The following PDE8B variants were observed in gnomAD, a reference collection of about 807,000 sequenced individuals.
The protein encoded by PDE8B is high affinity cAMP-specific and IBMX-insensitive 3',5'-cyclic phosphodiesterase 8B.
A neutral mutation model predicts 101.3 loss-of-function variants in PDE8B; 26 were observed. The observed-to-expected ratio is 0.26, with a 90% CI of 0.19 to 0.36. The LOEUF (loss-of-function observed/expected upper bound fraction) is 0.36, where lower values mean the gene tolerates loss of function less well. PDE8B is among the 10% of genes least tolerant of loss of function. The pLI is 1.00. For synonymous variants in PDE8B, 424 were observed against 429.3 expected (o/e 0.99, Z 0.15); for missense variants, 810 against 1,163.1 (o/e 0.70, Z 4.42).
intron 1 of PDE8B, among the ~76,000 whole-genome samples, chr5:77,222,412 A>G (rs1334296815): frequency 5.3e-5 from 8 of 152,154 alleles, no homozygotes; most frequent in Non-Finnish European, 1.0e-4. Context: ...TCACGAGGTC[A>G]GGAGTTCGAG....
At chr5:77,359,511 G>T (rs949003633) in intron 10 of PDE8B, among the ~76,000 whole-genome samples, 2 of 152,154 alleles carry the variant, frequency 1.3e-5, no homozygotes, top group Admixed American at 6.5e-5. Context: ...TGACCCGTCT[G>T]TTCTCTCATT....
the PDE8B span, among the ~76,000 whole-genome samples, chr5:77,097,310 G>C: frequency 6.6e-6 from 1 of 152,158 alleles, no homozygotes; most frequent in South Asian, 2.1e-4. Flanking sequence ...CAGAACCTCA[G>C]AATTACTTTT....
At chr5:77,145,422 G>A in the PDE8B span, 1 of 152,140 alleles carries the variant, frequency 6.6e-6, no homozygotes, top group African/African-American at 2.4e-5. Context: ...TGAGCTTGTG[G>A]CATAGAGATA....
the PDE8B span, among the ~76,000 whole-genome samples, chr5:77,100,585 G>A: frequency 6.6e-6 from 1 of 152,142 alleles, no homozygotes. Flanking sequence ...GAGGGGATAT[G>A]GAAAAGACCT....
chr5:77,213,521 C>A (rs1043790083), intron 1 of PDE8B, among the ~76,000 whole-genome samples: 7 of 152,142 alleles, frequency 4.6e-5, no homozygotes, highest in Non-Finnish European at 1.0e-4. Context: ...CCTTTTGTTG[C>A]TGAGATAATT....
chr5:77,293,359 G>GA (rs566804234), intron 1 of PDE8B, among the ~76,000 whole-genome samples: 319 of 151,494 alleles, frequency 2.1e-3, no homozygotes, highest in African/African-American at 7.4e-3. Flanking sequence ...ATGGATTTGA[G>GA]AATCATTTCA....
intron 10 of PDE8B, among the ~76,000 whole-genome samples, chr5:77,382,742 T>A (rs982103135): frequency 7.2e-5 from 11 of 152,238 alleles, no homozygotes; most frequent in African/African-American, 2.7e-4. Flanking sequence ...TCCAGCTTCA[T>A]GTTCCTGCAG....
chr5:77,294,276 G>A (rs1580846523), intron 1 of PDE8B, among the ~76,000 whole-genome samples: 3 of 152,338 alleles, frequency 2.0e-5, no homozygotes, highest in Middle Eastern at 3.4e-3. Context: ...GAAGTCTGCA[G>A]GAGGAAGCAG....
intron 1 of PDE8B, among the ~76,000 whole-genome samples, chr5:77,270,130 T>A (rs1368996255): frequency 1.3e-5 from 2 of 152,226 alleles, no homozygotes; most frequent in East Asian, 3.8e-4. Flanking sequence ...CAATTCTTAG[T>A]ATCCTCTTCA....
intron 2 of PDE8B, among the ~76,000 whole-genome samples, chr5:77,321,996 C>T (rs558970890): frequency 6.6e-6 from 1 of 152,278 alleles, no homozygotes; most frequent in African/African-American, 2.4e-5. Context: ...AGTCAGGAGG[C>T]ACAGGGAGCG....
intron 1 of PDE8B, among the ~76,000 whole-genome samples, chr5:77,226,841 A>G (rs1008849503): frequency 7.2e-5 from 11 of 151,988 alleles, no homozygotes; most frequent in Non-Finnish European, 1.0e-4. Flanking sequence ...GAGGTGTGAG[A>G]TCTCTGAGAC....
intron 17 of PDE8B, among the ~76,000 whole-genome samples, chr5:77,413,557 G>A (rs1250003071): frequency 6.6e-6 from 1 of 152,040 alleles, no homozygotes; most frequent in Non-Finnish European, 1.5e-5. Flanking sequence ...ATGCATGGCA[G>A]ATCATGAACC....
chr5:77,269,396 T>G (rs1329180836), intron 1 of PDE8B, among the ~76,000 whole-genome samples: 1 of 152,206 alleles, frequency 6.6e-6, no homozygotes, highest in Non-Finnish European at 1.5e-5. Flanking sequence ...GATGGTTAGT[T>G]TGCAAATATT....
intron 2 of PDE8B, among the ~76,000 whole-genome samples, chr5:77,323,172 C>G (rs1458884731): frequency 6.6e-6 from 1 of 152,212 alleles, no homozygotes; most frequent in African/African-American, 2.4e-5. Flanking sequence ...CCTGATTTTT[C>G]TCATTCAGGC....
At chr5:77,329,798 C>T (rs1401554318) in intron 4 of PDE8B, among the ~76,000 whole-genome samples, 1 of 152,152 alleles carries the variant, frequency 6.6e-6, no homozygotes, top group Non-Finnish European at 1.5e-5. Flanking sequence ...GGACCTAGGA[C>T]CTATTGGATT....
chr5:77,413,139 T>G lies in PDE8B; in HGVS notation c.1741T>G (p.Phe581Val). Residue 581 changes from phenylalanine to valine, a missense_variant, in exon 17 of 22, where the codon TTC becomes GTC. By Grantham distance (50) the Phe-to-Val change is conservative. This residue lies in a region of PDE8B where 325 missense variants were observed against 560.9 expected (regional missense o/e 0.58). Coordinates refer to ENST00000264917, the MANE Select transcript of PDE8B (RefSeq NM_003719.5). ...ATTGGTTTATCTGGGCTTAAAGGTC[T>G]TCTCTCGGTTTGGAGTATGTGAATT... The part of the protein sequence containing the change: ...RPLVYLGLKV[F>V]SRFGVCEFLN... 2 of 1,614,140 alleles carry G rather than the reference T, an allele frequency of 1.2e-6. No individual in the cohort carries two copies. Among genetic ancestry groups the G allele is most frequent in the Non-Finnish European group, 1.7e-6 (2 of 1,179,982 alleles).
At chr5:77,138,471 G>T in the PDE8B span, among the ~76,000 whole-genome samples, 3 of 152,236 alleles carry the variant, frequency 2.0e-5, no homozygotes, top group African/African-American at 7.2e-5. Flanking sequence ...CCAGAGCTGA[G>T]TATTTCCAGA....
At chr5:77,090,867 A>G in the PDE8B span, among the ~76,000 whole-genome samples, 1 of 152,198 alleles carries the variant, frequency 6.6e-6, no homozygotes, top group Non-Finnish European at 1.5e-5. Flanking sequence ...TAATGCTGCA[A>G]TTAACATGGG....
intron 2 of PDE8B, among the ~76,000 whole-genome samples, chr5:77,318,138 A>G (rs1774246921): frequency 6.6e-6 from 1 of 151,872 alleles, no homozygotes; most frequent in South Asian, 2.1e-4. Context: ...GGTTTTCTGG[A>G]ACCATTATAT....
Sources: allele counts gnomAD v4.1 joint callset (sites outside exome capture counted in the v4.1 genomes callset), GRCh38; gene constraint gnomAD v4.1.1; regional missense constraint gnomAD v4.1.1; transcripts MANE v1.5; gene names NCBI Gene and HGNC (gene_info 2026-07-23, HGNC 2026-07-21).